Variants in KIAA0825 observed in about 807,000 individuals in gnomAD.
KIAA0825 encodes uncharacterized protein KIAA0825.
A neutral mutation model predicts 147.6 loss-of-function variants in KIAA0825; 119 were observed. The ratio of observed to expected loss-of-function variants is 0.81; its 90% confidence interval spans 0.69 to 0.94. The LOEUF (loss-of-function observed/expected upper bound fraction) is 0.94, where lower values mean the gene tolerates loss of function less well. Among genes scored for constraint, KIAA0825 ranks in the 40% least tolerant of loss-of-function variants. The pLI is 0.00. For missense variants in KIAA0825, 1,381 were observed against 1,472.7 expected, an observed-to-expected ratio of 0.94 and a Z score of 1.02; for synonymous variants, 470 against 518.1, an observed-to-expected ratio of 0.91 and a Z score of 1.26.
intron 14 of KIAA0825, among the ~76,000 whole-genome samples, chr5:94,437,548 TA>T (rs1756533466): frequency 6.6e-6 from 1 of 152,208 alleles, no homozygotes; most frequent in African/African-American, 2.4e-5. Flanking sequence ...CAAGTTTCTT[TA>T]AAACAACATC....
At chr5:94,407,071 G>GA (rs905254759) in intron 15 of KIAA0825, among the ~76,000 whole-genome samples, 16 of 152,086 alleles carry the variant, frequency 1.1e-4, no homozygotes, top group African/African-American at 3.9e-4. Context: ...AGAAATAAAA[G>GA]AAAAGAAAAA....
At chr5:94,563,195 C>CAAAAAAAAAAAA (rs58497890) in intron 2 of KIAA0825, among the ~76,000 whole-genome samples, 2 of 140,192 alleles carry the variant, frequency 1.4e-5, no homozygotes, top group Non-Finnish European at 1.6e-5. Context: ...CCAAAAAAAA[C>CAAAAAAAAAAAA]AAAAAAAAAA....
intron 2 of KIAA0825, among the ~76,000 whole-genome samples, chr5:94,566,615 T>G (rs1038702074): frequency 6.6e-6 from 1 of 152,142 alleles, no homozygotes; most frequent in African/African-American, 2.4e-5. Flanking sequence ...AGATATTTCT[T>G]GAAAAATGCA....
At chr5:94,437,553 C>T (rs1166765093) in intron 14 of KIAA0825, among the ~76,000 whole-genome samples, 1 of 152,224 alleles carries the variant, frequency 6.6e-6, no homozygotes, top group Non-Finnish European at 1.5e-5. Flanking sequence ...TTCTTTAAAA[C>T]AACATCATGT....
chr5:94,508,873 C>T (rs1766108421), intron 5 of KIAA0825, among the ~76,000 whole-genome samples: 2 of 152,196 alleles, frequency 1.3e-5, no homozygotes, highest in South Asian at 2.1e-4. Flanking sequence ...ATGTGTCTGA[C>T]ACGGTCTGAA....
chr5:94,510,481 A>G lies in KIAA0825; in HGVS notation c.970+9767T>C, dbSNP rs530531008. Among the ~76,000 whole-genome samples the G allele has an allele frequency of 7.8e-4, 119 of 152,326 alleles. 1 individual carries two copies. Among genetic ancestry groups the G allele is most frequent in the Middle Eastern group, 3.4e-3 (1 of 294 alleles). ...GTGTTGAAAAGGAGTTGTGAAAGCA[A>G]ACATTGATAGGTTTTGTTTTTGATT... On this transcript the variant is annotated intron_variant, in intron 5 of 20. Coordinates refer to ENST00000682413, the MANE Select transcript of KIAA0825 (RefSeq NM_001145678.3).
chr5:94,459,682 C>T (rs115255638), intron 12 of KIAA0825, among the ~76,000 whole-genome samples: 5,287 of 152,132 alleles, frequency 0.035, 170 homozygotes, highest in South Asian at 0.14. Flanking sequence ...TTTCTGATGA[C>T]CCTATCCTCT....
intron 10 of KIAA0825, among the ~76,000 whole-genome samples, chr5:94,468,669 T>C (rs916136722): frequency 6.6e-6 from 1 of 152,220 alleles, no homozygotes; most frequent in Admixed American, 6.5e-5. Context: ...AGAGAGCTTC[T>C]TATTAGCTGC....
At chr5:94,493,704 GGTCTC>G (rs1764000415) in intron 5 of KIAA0825, among the ~76,000 whole-genome samples, 1 of 152,098 alleles carries the variant, frequency 6.6e-6, no homozygotes, top group South Asian at 2.1e-4. Context: ...TAGCCAGGAT[GGTCTC>G]AATCTCCTGA....
intron 15 of KIAA0825, chr5:94,415,852 T>C (rs1455190301): frequency 6.6e-6 from 1 of 152,192 alleles, no homozygotes; most frequent in Non-Finnish European, 1.5e-5. Flanking sequence ...TTATTTTAAG[T>C]ATAGTTTTGT....
intron 20 of KIAA0825, among the ~76,000 whole-genome samples, chr5:94,296,152 G>T (rs774669034): frequency 2.0e-5 from 3 of 152,288 alleles, no homozygotes; most frequent in East Asian, 3.9e-4. Context: ...TGGCTTTGCT[G>T]AGCTGCGGGG....
intron 2 of KIAA0825, among the ~76,000 whole-genome samples, chr5:94,546,533 G>C (rs1270358384): frequency 6.6e-6 from 1 of 152,020 alleles, no homozygotes; most frequent in Non-Finnish European, 1.5e-5. Context: ...GAGAGAGAGA[G>C]AGAGAGAGAC....
At chr5:94,572,232 G>C (rs1429861084) in intron 2 of KIAA0825, among the ~76,000 whole-genome samples, 1 of 152,212 alleles carries the variant, frequency 6.6e-6, no homozygotes, top group African/African-American at 2.4e-5. Context: ...AGCAGGGCTG[G>C]CAGCATTAAG....
chr5:94,169,025 C>A (rs573574837), intron 20 of KIAA0825, among the ~76,000 whole-genome samples: 10 of 152,092 alleles, frequency 6.6e-5, no homozygotes, highest in Non-Finnish European at 1.5e-4. Context: ...CTAAAGTTAT[C>A]AAAAATTGAG....
intron 1 of KIAA0825, among the ~76,000 whole-genome samples, chr5:94,613,387 T>C (rs1376575599): frequency 6.6e-6 from 1 of 152,096 alleles, no homozygotes. Flanking sequence ...TTGGTAGAGA[T>C]GGGGTTTTAC....
chr5:94,453,372 A>G (rs1392216484), intron 12 of KIAA0825, among the ~76,000 whole-genome samples: 1 of 141,526 alleles, frequency 7.1e-6, no homozygotes. Context: ...ATTTTAGTAG[A>G]GATGGGGTTT....
intron 1 of KIAA0825, among the ~76,000 whole-genome samples, chr5:94,597,427 C>CA (rs1172014772): frequency 1.3e-5 from 2 of 151,238 alleles, no homozygotes; most frequent in African/African-American, 4.9e-5. Flanking sequence ...ACCAATGCAC[C>CA]AAAAAAAGTG....
At chr5:94,158,262 G>A (rs1007289446) in intron 20 of KIAA0825, among the ~76,000 whole-genome samples, 2 of 152,154 alleles carry the variant, frequency 1.3e-5, no homozygotes, top group African/African-American at 4.8e-5. Context: ...TCAGAGTTTA[G>A]TAGTTGCAAT....
At chr5:94,445,637 A>G (rs1277143041) in intron 13 of KIAA0825, among the ~76,000 whole-genome samples, 1 of 152,194 alleles carries the variant, frequency 6.6e-6, no homozygotes, top group Non-Finnish European at 1.5e-5. Flanking sequence ...GTGAAAACCT[A>G]TAGCTGTTTC....
Sources: allele counts gnomAD v4.1 joint callset (sites outside exome capture counted in the v4.1 genomes callset), GRCh38; gene constraint gnomAD v4.1.1; transcripts MANE v1.5; gene names NCBI Gene and HGNC (gene_info 2026-07-23, HGNC 2026-07-21).